Variants in SELENOI observed in about 807,000 individuals in gnomAD.
The protein encoded by SELENOI is selenoprotein I, also known as ethanolaminephosphotransferase 1.
Under a neutral mutation model 50.7 loss-of-function variants are expected in SELENOI, and 24 were observed. That is an observed-to-expected ratio of 0.47 (90% CI 0.34 to 0.67). The LOEUF is 0.67. Among genes scored for constraint, SELENOI ranks in the 30% least tolerant of loss-of-function variants. SELENOI has a pLI of 0.01. For missense variants in SELENOI, 352 were observed against 461.4 expected, an observed-to-expected ratio of 0.76 and a Z score of 2.17; for synonymous variants, 155 against 170.2, an observed-to-expected ratio of 0.91 and a Z score of 0.70.
Position 26,390,716 on chromosome 2 carries a change from G to T in SELENOI, c.*1613G>T, listed in dbSNP as rs551797321. On this transcript the variant is annotated 3_prime_UTR_variant, in exon 10 of 10. Transcript: ENST00000260585. The stretch of plus-strand genomic sequence containing the variant: ...GACTTTCTCTGAGACACAGATGAAC[G>T]TTGGAAATAGATGAGAAATGGATGC... The T allele has an allele frequency of 6.6e-6, 1 of 152,286 alleles. No homozygotes were observed. The highest frequency in any genetic ancestry group is 1.5e-5 in the Non-Finnish European group (1 of 68,016). 9.4% of individuals were successfully genotyped at this position (152,286 alleles called of 1,614,324 possible). A position where few individuals can be genotyped will look rare whatever the true frequency, so the allele number is the denominator to read the frequency against.
rs890688539 is a variant in SELENOI, at chr2:26,355,715, G to A, written c.58-8587G>A. Among the ~76,000 whole-genome samples, 9 of 150,868 alleles carry A rather than the reference G, an allele frequency of 6.0e-5. No individual in the cohort carries two copies. In the South Asian group the frequency reaches 6.4e-4, roughly 11 times the overall value. On this transcript the variant is annotated intron_variant, in intron 1 of 9. Transcript: ENST00000260585. ...TCAATGAGTCATGTTCTCTGTGGGCGTAGTTCTTCAAGTCTCTCTCTCTCT... is the reference window on the plus strand; with the variant it reads ...TCAATGAGTCATGTTCTCTGTGGGCATAGTTCTTCAAGTCTCTCTCTCTCT...
At chr2:26,350,255 G>T (rs1260843197) in intron 1 of SELENOI, among the ~76,000 whole-genome samples, 1 of 152,134 alleles carries the variant, frequency 6.6e-6, no homozygotes, top group Non-Finnish European at 1.5e-5. Flanking sequence ...TACAATTAGA[G>T]GTGGTAAAGA....
In SELENOI at chr2:26,367,959, C is replaced by G. The variant is rs375686745; in HGVS notation, c.310+739C>G. On this transcript the variant is annotated intron_variant, in intron 4 of 9. Coordinates refer to ENST00000260585, the MANE Select transcript of SELENOI (RefSeq NM_033505.4). ...ACTTGCCTGCTTGTTTGTTATCTCT[C>G]TTTTCTAACTAAAACGTTAAGTTTT... 1.4e-4 allele frequency among the ~76,000 whole-genome samples: 22 copies of G among 152,332 alleles called. No individual in the cohort carries two copies. In the East Asian group the frequency reaches 3.3e-3, roughly 23 times the overall value.
At chr2:26,356,791 A>G in intron 1 of SELENOI, among the ~76,000 whole-genome samples, 1 of 152,084 alleles carries the variant, frequency 6.6e-6, no homozygotes, top group East Asian at 1.9e-4. Flanking sequence ...CTGCCAGGTG[A>G]TGTCTGCCCA....
At position 26,393,886 on chromosome 2, in the gene SELENOI, T is replaced by C. The variant is rs1678027498; in HGVS notation, c.*4783T>C. 1 of 152,232 alleles carries C rather than the reference T, an allele frequency of 6.6e-6. No homozygotes were observed. The highest frequency in any genetic ancestry group is 2.4e-5 in the African/African-American group (1 of 41,470). 9.4% of individuals were successfully genotyped at this position (152,232 alleles called of 1,614,324 possible). ...TGTCTGTTTGGCTAATGTCTTCTCT[T>C]GAGGAGTTTCTATGGGTAGCAATTA... On this transcript the variant is annotated 3_prime_UTR_variant, in exon 10 of 10. Transcript: ENST00000260585.
chr2:26,371,499 C>A (rs1300607552), intron 4 of SELENOI, among the ~76,000 whole-genome samples: 1 of 152,204 alleles, frequency 6.6e-6, no homozygotes, highest in Non-Finnish European at 1.5e-5. Flanking sequence ...CTTTGGGAGG[C>A]CAAGGCAGGC....
chr2:26,368,567 C>T (rs115854098), intron 4 of SELENOI, among the ~76,000 whole-genome samples: 1 of 152,224 alleles, frequency 6.6e-6, no homozygotes, highest in Non-Finnish European at 1.5e-5. Flanking sequence ...CATTTTGCTG[C>T]AGAAATACTA....
chr2:26,364,072 C>G (rs1040456710), intron 1 of SELENOI, among the ~76,000 whole-genome samples: 1 of 140,376 alleles, frequency 7.1e-6, no homozygotes, highest in Non-Finnish European at 1.5e-5. Context: ...TACTTTCTTT[C>G]TCCCCCTTTT....
chr2:26,364,669 A>T (rs534926832), intron 2 of SELENOI, among the ~76,000 whole-genome samples, 163 bp from the exon 3 acceptor site: 1 of 152,124 alleles, frequency 6.6e-6, no homozygotes, highest in Non-Finnish European at 1.5e-5. Context: ...GATGGAAGAA[A>T]GAATGCTGAT....
intron 1 of SELENOI, among the ~76,000 whole-genome samples, chr2:26,348,914 A>G (rs1394627721): frequency 6.8e-6 from 1 of 146,274 alleles, no homozygotes; most frequent in African/African-American, 2.5e-5. Flanking sequence ...TCTGTTGCTT[A>G]TTAACTAAGG....
rs1335064807 is a variant in SELENOI at position 26,371,081 on chromosome 2, C to T, written c.311-2286C>T. Among the ~76,000 whole-genome samples the T allele has an allele frequency of 4.1e-5, 6 of 145,232 alleles. No individual in the cohort carries two copies. In the East Asian group the frequency reaches 6.4e-4, roughly 16 times the overall value. On this transcript the variant is annotated intron_variant, in intron 4 of 9. Coordinates refer to ENST00000260585, the MANE Select transcript of SELENOI (RefSeq NM_033505.4). The stretch of plus-strand genomic sequence containing the variant: ...GCAGAGGCGCCCCTCACCTCCCGGA[C>T]GGGGCGGCTGGCCGGGCCAGGGGCT...
intron 1 of SELENOI, 123 bp downstream of exon 1, chr2:26,346,412 C>A: frequency 8.2e-7 from 1 of 1,219,532 alleles, no homozygotes; most frequent in Non-Finnish European, 1.1e-6. Flanking sequence ...GGCGGGCGTT[C>A]CTCCGGAGGT....
At chr2:26,350,248 A>G in intron 1 of SELENOI, among the ~76,000 whole-genome samples, 1 of 152,170 alleles carries the variant, frequency 6.6e-6, no homozygotes, top group South Asian at 2.1e-4. Flanking sequence ...TTAGTATTAC[A>G]ATTAGAGGTG....
chr2:26,388,323 A>G (rs894001228), intron 9 of SELENOI, among the ~76,000 whole-genome samples: 3 of 152,222 alleles, frequency 2.0e-5, no homozygotes, highest in Non-Finnish European at 2.9e-5. Flanking sequence ...TTTTCTTTAA[A>G]TGATAAAGGT....
At chr2:26,369,614 C>T (rs1483154241) in intron 4 of SELENOI, among the ~76,000 whole-genome samples, 14 of 152,216 alleles carry the variant, frequency 9.2e-5, no homozygotes, top group Admixed American at 9.2e-4. Context: ...GTCCCTCTCT[C>T]CAGCCTGTCA....
chr2:26,385,217 A>G (rs532447414), intron 8 of SELENOI, 78 bp downstream of exon 8: 1 of 868,898 alleles, frequency 1.2e-6, no homozygotes, highest in East Asian at 3.1e-5. Context: ...AAAATCTTTA[A>G]TATTAGAATA....
At chr2:26,348,250 CTT>C (rs1682732159) in intron 1 of SELENOI, among the ~76,000 whole-genome samples, 1 of 152,124 alleles carries the variant, frequency 6.6e-6, no homozygotes, top group African/African-American at 2.4e-5. Flanking sequence ...TTTAAAAAGT[CTT>C]TTTTCCCCAT....
chr2:26,363,762 GTAT>G (rs886395688), intron 1 of SELENOI, among the ~76,000 whole-genome samples: 4 of 151,866 alleles, frequency 2.6e-5, no homozygotes, highest in African/African-American at 7.3e-5. Context: ...GGTTATTTTT[GTAT>G]TATTATTATT....
At chr2:26,372,107 G>T (rs1677469001) in intron 4 of SELENOI, among the ~76,000 whole-genome samples, 1 of 151,798 alleles carries the variant, frequency 6.6e-6, no homozygotes, top group African/African-American at 2.4e-5. Flanking sequence ...ATCATGTTTT[G>T]TTCCTTTCTC....
Sources: gnomAD v4.1 joint callset for allele counts (sites outside exome capture counted in the v4.1 genomes callset) on GRCh38, gnomAD v4.1.1 for gene constraint, MANE v1.5 for transcripts, NCBI Gene and HGNC (gene_info 2026-07-23, HGNC 2026-07-21) for gene names.